Variants in SMYD3 observed in about 807,000 individuals in gnomAD.
SMYD3 encodes histone-lysine N-methyltransferase SMYD3.
SMYD3 carries 36 observed loss-of-function variants against 57.7 expected under a neutral mutation model. The ratio of observed to expected loss-of-function variants is 0.62; its 90% CI spans 0.48 to 0.82. The LOEUF is 0.82. Among genes scored for constraint, SMYD3 ranks in the 40% least tolerant of loss-of-function variants. The pLI is 0.00. For synonymous variants in SMYD3, 211 were observed against 195.0 expected, an observed-to-expected ratio of 1.08 and a Z score of -0.68; for missense variants, 515 against 538.8, an observed-to-expected ratio of 0.96 and a Z score of 0.44.
rs1173190166 is a variant in SMYD3 at position 246,377,868 on chromosome 1, G to A, written c.165-22774C>T. Among the ~76,000 whole-genome samples the A allele has an allele frequency of 3.3e-5, 5 of 152,158 alleles. No individual in the cohort carries two copies. The East Asian group carries it at 7.7e-4, about 23-fold the overall frequency. ...CAAACAGGTCTCCAAGGCAGCTGGA[G>A]GAATTTACACTCTCACAGCCATATA... On this transcript the variant is annotated intron_variant, in intron 1 of 11. Transcript: ENST00000490107.
At chr1:246,291,169 G>A (rs1193985352) in intron 5 of SMYD3, among the ~76,000 whole-genome samples, 1 of 152,210 alleles carries the variant, frequency 6.6e-6, no homozygotes, top group Admixed American at 6.5e-5. Context: ...TACAAATTAT[G>A]TATACAGCTT....
rs145111374 is a variant in SMYD3, at chr1:246,333,876, G to A, written c.336+1491C>T. 2.1e-3 allele frequency among the ~76,000 whole-genome samples: 312 copies of A among 152,102 alleles called. 1 individual carries two copies. Among genetic ancestry groups the A allele is most frequent in the African/African-American group, 7.4e-3 (307 of 41,480 alleles). The stretch of plus-strand genomic sequence containing the variant: ...ACTCCAGCCTGGGGCAACAGAGTGA[G>A]ACCCTGTCTCAAAAAGTGAAAATAA... On this transcript the variant is annotated intron_variant, in intron 3 of 11. Transcript: ENST00000490107.
At chr1:246,324,543 T>C (rs2065307919) in intron 5 of SMYD3, among the ~76,000 whole-genome samples, 1 of 152,068 alleles carries the variant, frequency 6.6e-6, no homozygotes, top group African/African-American at 2.4e-5. Context: ...TCTTGTTTAT[T>C]GAGGCCAGGT....
chr1:246,319,025 T>C (rs1395744761), intron 5 of SMYD3, among the ~76,000 whole-genome samples: 1 of 152,242 alleles, frequency 6.6e-6, no homozygotes, highest in Non-Finnish European at 1.5e-5. Flanking sequence ...GTTGTTTTCT[T>C]TGAAAGCCCA....
At chr1:245,814,088 T>C (rs1012439556) in intron 10 of SMYD3, among the ~76,000 whole-genome samples, 8 of 152,108 alleles carry the variant, frequency 5.3e-5, no homozygotes, top group Admixed American at 2.6e-4. Flanking sequence ...CAAATTGATA[T>C]CCTCACATAA....
At chr1:246,114,348 T>C (rs35847416) in intron 5 of SMYD3, among the ~76,000 whole-genome samples, 23,680 of 152,116 alleles carry the variant, frequency 0.16, 3,433 homozygotes, top group African/African-American at 0.39. Flanking sequence ...TGAAGGTAGG[T>C]GGTGTGGAGT....
intron 5 of SMYD3, among the ~76,000 whole-genome samples, chr1:246,170,808 C>A (rs1295136423): frequency 6.6e-6 from 1 of 152,176 alleles, no homozygotes; most frequent in Admixed American, 6.5e-5. Flanking sequence ...TTATCATCTA[C>A]AAACATACTA....
chr1:246,217,127 C>T (rs926888402), intron 5 of SMYD3, among the ~76,000 whole-genome samples: 1 of 143,478 alleles, frequency 7.0e-6, no homozygotes, highest in African/African-American at 2.7e-5. Flanking sequence ...AAGCTTGTAG[C>T]CTAAATTTAT....
chr1:245,993,498 G>A (rs573571737), intron 5 of SMYD3, among the ~76,000 whole-genome samples: 6 of 152,170 alleles, frequency 3.9e-5, no homozygotes, highest in South Asian at 2.1e-4. Context: ...TACTAGAGAG[G>A]CTGAGGTGGG....
At chr1:245,778,907 C>T (rs1471289159) in intron 10 of SMYD3, among the ~76,000 whole-genome samples, 1 of 152,116 alleles carries the variant, frequency 6.6e-6, no homozygotes, top group Admixed American at 6.5e-5. Context: ...CACCTGTAAT[C>T]CCAGCACTTT....
chr1:246,296,818 T>C (rs1474972711), intron 5 of SMYD3, among the ~76,000 whole-genome samples: 2 of 152,180 alleles, frequency 1.3e-5, no homozygotes, highest in Non-Finnish European at 2.9e-5. Flanking sequence ...TTTAAGTGAT[T>C]AATGAATCAT....
intron 5 of SMYD3, chr1:245,956,110 G>A (rs1038165494): frequency 2.1e-6 from 2 of 963,426 alleles, no homozygotes; most frequent in South Asian, 4.8e-5. Flanking sequence ...CAGAGATGGG[G>A]TCTCATTTTG....
At chr1:245,855,201 C>T (rs912515898) in intron 10 of SMYD3, among the ~76,000 whole-genome samples, 7 of 152,106 alleles carry the variant, frequency 4.6e-5, no homozygotes, top group African/African-American at 1.7e-4. Flanking sequence ...CCGGAAACAC[C>T]CTCTATATCT....
At chr1:246,117,298 T>A (rs978941328) in intron 5 of SMYD3, among the ~76,000 whole-genome samples, 1 of 152,168 alleles carries the variant, frequency 6.6e-6, no homozygotes, top group South Asian at 2.1e-4. Flanking sequence ...TGTAGTGTAT[T>A]TACATTGCAC....
chr1:246,297,552 C>G (rs1006157060), intron 5 of SMYD3, among the ~76,000 whole-genome samples: 4 of 152,118 alleles, frequency 2.6e-5, no homozygotes, highest in African/African-American at 9.7e-5. Context: ...ATAACCCTTC[C>G]TAAGTTAAAA....
At chr1:245,994,158 C>T (rs2058875158) in intron 5 of SMYD3, among the ~76,000 whole-genome samples, 1 of 152,174 alleles carries the variant, frequency 6.6e-6, no homozygotes, top group Non-Finnish European at 1.5e-5. Flanking sequence ...TTCTGTTACT[C>T]TTATCTTTCC....
At chr1:246,333,311 A>C (rs2065489785) in intron 3 of SMYD3, among the ~76,000 whole-genome samples, 1 of 152,146 alleles carries the variant, frequency 6.6e-6, no homozygotes, top group Non-Finnish European at 1.5e-5. Context: ...CAAGATGAAA[A>C]CCTAGGAAAT....
At chr1:246,367,567 G>A (rs1356933014) in intron 1 of SMYD3, among the ~76,000 whole-genome samples, 1 of 152,040 alleles carries the variant, frequency 6.6e-6, no homozygotes, top group Non-Finnish European at 1.5e-5. Context: ...TGAGTAGCTG[G>A]GATTACAGGC....
intron 2 of SMYD3, among the ~76,000 whole-genome samples, chr1:246,352,116 A>G (rs1470495576): frequency 1.6e-5 from 2 of 126,388 alleles, no homozygotes; most frequent in African/African-American, 3.0e-5. Context: ...CAGCCTGGGC[A>G]GCAGACTAAG....
Sources: gnomAD v4.1 joint callset for allele counts (sites outside exome capture counted in the v4.1 genomes callset) on GRCh38, gnomAD v4.1.1 for gene constraint, MANE v1.5 for transcripts, NCBI Gene and HGNC (gene_info 2026-07-23, HGNC 2026-07-21) for gene names.